The following PRTFDC1 variants were observed in gnomAD, a reference collection of about 807,000 sequenced individuals.
PRTFDC1 encodes the protein phosphoribosyltransferase domain-containing protein 1.
In PRTFDC1, 38 loss-of-function variants were observed where a neutral mutation model predicts 34.6. The ratio of observed to expected loss-of-function variants is 1.10; its 90% CI spans 0.85 to 1.44. PRTFDC1 has a LOEUF of 1.44. PRTFDC1 is among the 40% of genes most tolerant of loss of function. PRTFDC1 has a pLI of 0.00. For synonymous variants in PRTFDC1, 93 were observed against 98.1 expected (o/e 0.95, Z 0.31); for missense variants, 270 against 283.0 (o/e 0.95, Z 0.33).
intron 1 of PRTFDC1, among the ~76,000 whole-genome samples, chr10:24,947,270 A>T (rs11014319): frequency 1.3e-5 from 2 of 152,262 alleles, no homozygotes; most frequent in Non-Finnish European, 1.5e-5. Flanking sequence ...AGTCGATTCA[A>T]GACGATGGAA....
intron 3 of PRTFDC1, among the ~76,000 whole-genome samples, chr10:24,910,908 T>A (rs75093095): frequency 1.3e-5 from 2 of 151,490 alleles, no homozygotes; most frequent in Non-Finnish European, 2.9e-5. Context: ...TTTTTTTTTT[T>A]GCAACCTCCA....
At chr10:24,894,910 G>A (rs1588598450) in intron 3 of PRTFDC1, among the ~76,000 whole-genome samples, 1 of 152,148 alleles carries the variant, frequency 6.6e-6, no homozygotes, top group African/African-American at 2.4e-5. Context: ...ACACACCACT[G>A]TCTGGCCCCA....
At chr10:24,880,813 C>CTCTTTGTTTCTTTCTT (rs1848055688) in intron 3 of PRTFDC1, among the ~76,000 whole-genome samples, 1 of 114,928 alleles carries the variant, frequency 8.7e-6, no homozygotes, top group East Asian at 2.7e-4. Context: ...TACTGTCTTT[C>CTCTTTGTTTCTTTCTT]TCTTTCTTTC....
rs375466649 is a variant in PRTFDC1, at chr10:24,937,161, A to T, written c.339+23T>A. The T allele has an allele frequency of 1.3e-5, 21 of 1,571,412 alleles. No homozygotes were observed. The African/African-American group carries it at 1.9e-4, about 14-fold the overall frequency. On this transcript the variant is annotated intron_variant, in intron 3 of 8. Coordinates refer to ENST00000320152, the MANE Select transcript of PRTFDC1 (RefSeq NM_020200.7). ...AAGCATTGTTAAATGAAATGTCATA[A>T]AGCGGAACTTGTAATAACTTACCCT... is the stretch of plus-strand genomic sequence containing the variant.
intron 4 of PRTFDC1, among the ~76,000 whole-genome samples, chr10:24,866,792 AAGAGAG>A (rs111304267): frequency 6.1e-5 from 9 of 148,510 alleles, no homozygotes; most frequent in South Asian, 2.1e-4. Flanking sequence ...AAAAGAAAGA[AAGAGAG>A]AGAGAGAGAG....
chr10:24,921,552 C>A (rs542783312), intron 3 of PRTFDC1, among the ~76,000 whole-genome samples: 365 of 152,154 alleles, frequency 2.4e-3, no homozygotes, highest in Non-Finnish European at 4.3e-3. Context: ...AACTGCTGGC[C>A]TTTTCCTTTC....
At chr10:24,926,534 A>T (rs773270396) in intron 3 of PRTFDC1, among the ~76,000 whole-genome samples, 2 of 152,172 alleles carry the variant, frequency 1.3e-5, no homozygotes, top group African/African-American at 2.4e-5. Context: ...TTTTCAGTAG[A>T]GCTGGCATTT....
intron 3 of PRTFDC1, among the ~76,000 whole-genome samples, chr10:24,917,445 C>T (rs1373423638): frequency 6.6e-6 from 1 of 152,190 alleles, no homozygotes; most frequent in African/African-American, 2.4e-5. Context: ...CTGTTACAGA[C>T]TCTTGTTCTT....
chr10:24,872,059 T>C lies in PRTFDC1; in HGVS notation c.344A>G (p.Asp115Gly). The change falls in exon 4 of 9, where the codon GAC (aspartate) becomes GGC (glycine). Residue 115 changes from aspartate to glycine, a missense_variant. Asp to Gly is a moderately conservative substitution (Grantham distance 94). Coordinates refer to ENST00000320152, the MANE Select transcript of PRTFDC1 (RefSeq NM_020200.7). ...TATCTGCATCTCACCCATGGACTGG[T>C]CATTCTGCAAAAAAGAAGAAAAAAA... ...DFIRLKSYRNDQSMGEMQIIG... is the reference protein window; with the variant it reads ...DFIRLKSYRNGQSMGEMQIIG... 1 of 1,608,028 alleles carries C rather than the reference T, an allele frequency of 6.2e-7. No homozygotes were observed. Among genetic ancestry groups the C allele is most frequent in the Non-Finnish European group, 8.5e-7 (1 of 1,175,760 alleles).
chr10:24,872,912 A>T (rs1847902493), intron 3 of PRTFDC1, among the ~76,000 whole-genome samples: 2 of 149,886 alleles, frequency 1.3e-5, no homozygotes, highest in Non-Finnish European at 3.0e-5. Context: ...GGCTCAAGCA[A>T]TCCTTCTGTC....
At chr10:24,871,339 T>A (rs1461604273) in intron 4 of PRTFDC1, among the ~76,000 whole-genome samples, 2 of 152,148 alleles carry the variant, frequency 1.3e-5, no homozygotes, top group African/African-American at 4.8e-5. Context: ...AAATGTGCAT[T>A]TCAAGTAACA....
At chr10:24,882,831 A>T (rs943826311) in intron 3 of PRTFDC1, among the ~76,000 whole-genome samples, 1 of 151,626 alleles carries the variant, frequency 6.6e-6, no homozygotes, top group Non-Finnish European at 1.5e-5. Flanking sequence ...AAAAACAAAT[A>T]AAAAAAGTAA....
At chr10:24,913,746 A>T (rs997869841) in intron 3 of PRTFDC1, among the ~76,000 whole-genome samples, 1 of 152,216 alleles carries the variant, frequency 6.6e-6, no homozygotes, top group African/African-American at 2.4e-5. Context: ...CAAACTTTAG[A>T]ATCCATTTAC....
At chr10:24,923,048 G>C (rs1000563214) in intron 3 of PRTFDC1, among the ~76,000 whole-genome samples, 1 of 152,210 alleles carries the variant, frequency 6.6e-6, no homozygotes, top group Non-Finnish European at 1.5e-5. Flanking sequence ...CTCACTGCTA[G>C]CACAGCAGTC....
intron 1 of PRTFDC1, among the ~76,000 whole-genome samples, chr10:24,951,075 A>C (rs969592662): frequency 5.0e-4 from 76 of 152,096 alleles, no homozygotes; most frequent in African/African-American, 1.8e-3. Flanking sequence ...GTTTTTGTAA[A>C]AGCATAAATC....
chr10:24,922,486 G>A (rs1848806052), intron 3 of PRTFDC1, among the ~76,000 whole-genome samples: 2 of 152,178 alleles, frequency 1.3e-5, no homozygotes, highest in Admixed American at 1.3e-4. Flanking sequence ...GTTTTCCCAT[G>A]CTGTTCTCAT....
At chr10:24,905,360 T>C (rs1848517570) in intron 3 of PRTFDC1, among the ~76,000 whole-genome samples, 1 of 139,198 alleles carries the variant, frequency 7.2e-6, no homozygotes, top group African/African-American at 2.7e-5. Context: ...TCTCACTCTG[T>C]CGCCAGGATG....
At chr10:24,938,806 A>G (rs1849096372) in intron 2 of PRTFDC1, among the ~76,000 whole-genome samples, 1 of 152,244 alleles carries the variant, frequency 6.6e-6, no homozygotes, top group Admixed American at 6.5e-5. Context: ...ACATGTGCAG[A>G]GAAGGCACAA....
At chr10:24,944,826 G>T (rs1849228822) in intron 1 of PRTFDC1, among the ~76,000 whole-genome samples, 1 of 152,108 alleles carries the variant, frequency 6.6e-6, no homozygotes, top group African/African-American at 2.4e-5. Context: ...TATCATGGCA[G>T]CCTTCTGCTT....
Sources: gnomAD v4.1 joint callset for allele counts (sites outside exome capture counted in the v4.1 genomes callset) on GRCh38, gnomAD v4.1.1 for gene constraint, MANE v1.5 for transcripts, NCBI Gene and HGNC (gene_info 2026-07-23, HGNC 2026-07-21) for gene names.